SMC1A: variants seen among roughly 807,000 people sequenced by gnomAD.
SMC1A encodes the protein structural maintenance of chromosomes protein 1A.
A neutral mutation model predicts 94.5 loss-of-function variants in SMC1A; 4 were observed. The ratio of observed to expected loss-of-function variants is 0.04; its 90% CI spans 0.02 to 0.10. SMC1A has a LOEUF of 0.10. Ranked by LOEUF, SMC1A falls within the 10% of genes least tolerant of loss-of-function variation. SMC1A has a pLI of 1.00. For synonymous variants in SMC1A, 345 were observed against 347.7 expected (o/e 0.99, Z 0.09); for missense variants, 304 against 989.0 (o/e 0.31, Z 9.29).
At chrX:53,403,429 G>A (rs1359577188) in intron 15 of SMC1A, 137 bp downstream of exon 15, 1 of 542,220 alleles carries the variant, frequency 1.8e-6, no homozygotes, top group African/African-American at 2.3e-5. Flanking sequence ...CCTGATTTCT[G>A]TTCTTTAAGG....
intron 21 of SMC1A, 27 bp downstream of exon 21, chrX:53,382,479 C>T (rs782275594): frequency 1.7e-6 from 2 of 1,205,643 alleles, no homozygotes; most frequent in Non-Finnish European, 2.2e-6. Flanking sequence ...ATGGTAGCAG[C>T]TGGTTGGGTA....
chrX:53,394,105 T>C (rs1556887636), intron 19 of SMC1A, among the ~76,000 whole-genome samples: 1 of 91,077 alleles, frequency 1.1e-5, no homozygotes, highest in Admixed American at 1.4e-4. Flanking sequence ...TGAGTCGAGA[T>C]CATGCCACTG....
At position 53,413,389 on chromosome X, in the gene SMC1A, G is replaced by A. The variant is rs1171109209; in HGVS notation, c.458C>T (p.Ala153Val). The change falls in exon 4 of 25, where the codon GCT becomes GTT. Residue 153 changes from alanine to valine, a missense_variant. Physicochemically the swap from Ala to Val is moderately conservative, Grantham distance 64. Coordinates refer to ENST00000322213, the MANE Select transcript of SMC1A (RefSeq NM_006306.4). ...AGAACGACTAATCTCTTCAAATAGA[G>A]CTGTCCTCTCTTTGGGGTTCTTCAT... ...IAMKNPKERT[A>V]LFEEISRSGE... The A allele has an allele frequency of 5.8e-6, 7 of 1,209,662 alleles. No individual in the cohort carries two copies. In the Admixed American group the frequency reaches 1.5e-4, roughly 27 times the overall value.
intron 19 of SMC1A, among the ~76,000 whole-genome samples, chrX:53,392,805 T>C (rs1556887445): frequency 9.0e-6 from 1 of 111,704 alleles, no homozygotes; most frequent in Non-Finnish European, 1.9e-5. Context: ...GTTCCCAAAG[T>C]GCTGAGATTA....
chrX:53,392,876 T>C (rs2075635097), intron 19 of SMC1A, among the ~76,000 whole-genome samples: 1 of 112,269 alleles, frequency 8.9e-6, no homozygotes, highest in African/African-American at 3.2e-5. Flanking sequence ...TTGTTTCCAC[T>C]GTCTCTAATG....
rs1347852908 is a variant in SMC1A, at chrX:53,377,603, A to G, written c.*2500T>C. ...TTGATAACCACCTGTACAGTGGAGA[A>G]AGCACTTGAATGACTTGGAAGACCT... On this transcript the variant is annotated 3_prime_UTR_variant, in exon 25 of 25. Coordinates refer to ENST00000322213, the MANE Select transcript of SMC1A (RefSeq NM_006306.4). 1 of 112,202 alleles carries G rather than the reference A, an allele frequency of 8.9e-6. No homozygotes were observed. The highest frequency in any genetic ancestry group is 1.9e-5 in the Non-Finnish European group (1 of 53,286). The allele number at this position is 112,202 out of a possible 1,213,427, so 9.2% of individuals were successfully genotyped here. A position where few individuals can be genotyped will look rare whatever the true frequency, so the allele number is the denominator to read the frequency against.
At chrX:53,402,827 C>G (rs2146597253) in intron 15 of SMC1A, among the ~76,000 whole-genome samples, 1 of 83,353 alleles carries the variant, frequency 1.2e-5, no homozygotes, top group South Asian at 6.7e-4. Flanking sequence ...CGAGATCATG[C>G]CACTGCACTC....
Position 53,406,522 on chromosome X carries a change from T to A in SMC1A, c.1546-566A>T, listed in dbSNP as rs1042771595. Among the ~76,000 whole-genome samples the A allele has an allele frequency of 3.6e-5, 4 of 112,068 alleles. No individual in the cohort carries two copies. The Admixed American group carries it at 3.8e-4, about 11-fold the overall frequency. Reference sequence around the variant, plus strand: ...TCTTAGCACAATTATCCCAGATGCCTGAAAGTATGAAGCTATGTTTGCCGA... The same window carrying A: ...TCTTAGCACAATTATCCCAGATGCCAGAAAGTATGAAGCTATGTTTGCCGA... On this transcript the variant is annotated intron_variant, in intron 9 of 24. Transcript: ENST00000322213.
chrX:53,389,718 ACT>A (rs1297291869), intron 19 of SMC1A, among the ~76,000 whole-genome samples: 2 of 106,617 alleles, frequency 1.9e-5, no homozygotes, highest in Non-Finnish European at 3.9e-5. Context: ...ATAGTACGAG[ACT>A]CTGTCTCAAA....
chrX:53,396,006 T>C (rs782502453), intron 18 of SMC1A, among the ~76,000 whole-genome samples: 10 of 111,258 alleles, frequency 9.0e-5, no homozygotes, highest in Non-Finnish European at 1.3e-4. Flanking sequence ...GCAGCTTTAC[T>C]CCCAATTCAA....
intron 7 of SMC1A, among the ~76,000 whole-genome samples, chrX:53,410,168 T>C (rs1171230691): frequency 9.0e-6 from 1 of 111,306 alleles, no homozygotes; most frequent in African/African-American, 3.3e-5. Flanking sequence ...GCTTTAGAGC[T>C]ACAATGCCCA....
intron 24 of SMC1A, 119 bp from the exon 25 acceptor site, chrX:53,380,305 C>A: frequency 1.8e-6 from 1 of 542,391 alleles, no homozygotes; most frequent in South Asian, 2.6e-5. Flanking sequence ...AAAGCCCAGT[C>A]AATGGTTCTC....
Position 53,383,246 on chromosome X carries a change from T to C in SMC1A, c.2981A>G (p.Gln994Arg), listed in dbSNP as rs781817923. The change falls in exon 20 of 25, where the codon CAG (glutamine) becomes CGG (arginine). Residue 994 changes from glutamine (Q) to arginine (R), a missense_variant. This residue lies in a region of SMC1A where 17 missense variants were observed against 44.7 expected (regional missense o/e 0.38). Coordinates refer to ENST00000322213, the MANE Select transcript of SMC1A (RefSeq NM_006306.4). ...GDLCEDLKDA[Q>R]AEEEIKQEMN... ...CTCTTGCTTGATCTCTTCCTCAGCCTGGGCATCCTGTAAGCCCCAGGCCCA... is the reference window on the plus strand; with the variant it reads ...CTCTTGCTTGATCTCTTCCTCAGCCCGGGCATCCTGTAAGCCCCAGGCCCA... 8.5e-7 allele frequency: 1 copy of C among 1,171,025 alleles called. No individual in the cohort carries two copies. The highest frequency in any genetic ancestry group is 1.1e-6 in the Non-Finnish European group (1 of 874,558).
rs1049801004 is a variant in SMC1A, at chrX:53,412,339, C to T, written c.855-86G>A. On this transcript the variant is annotated intron_variant, in intron 5 of 24. Transcript: ENST00000322213. ...CTTTTCACCCAAAGGAGAGCTTGAGCCCCTGAGCCAACCTCAGGGAATTAC... is the reference window on the plus strand; with the variant it reads ...CTTTTCACCCAAAGGAGAGCTTGAGTCCCTGAGCCAACCTCAGGGAATTAC... 6.1e-6 allele frequency: 6 copies of T among 987,354 alleles called. No homozygotes were observed. In the Admixed American group the frequency reaches 9.3e-5, roughly 15 times the overall value. The allele number at this position is 987,354 out of a possible 1,213,427, so 81.4% of individuals were successfully genotyped here.
At chrX:53,384,914 C>A (rs2075598617) in intron 19 of SMC1A, among the ~76,000 whole-genome samples, 1 of 109,715 alleles carries the variant, frequency 9.1e-6, no homozygotes, top group Non-Finnish European at 1.9e-5. Flanking sequence ...CACTGCACTC[C>A]AACCTGGATG....
Position 53,414,777 on chromosome X carries a change from C to T in SMC1A, c.392G>A (p.Arg131His), listed in dbSNP as rs781903928. Residue 131 changes from arginine (R) to histidine (H), a missense_variant, in exon 3 of 25, where the codon CGT becomes CAT. Arg to His is a conservative substitution (Grantham distance 29). Coordinates refer to ENST00000322213, the MANE Select transcript of SMC1A (RefSeq NM_006306.4). ...GCCCACCTGGAAAACGAGGAAGTTA[C>T]GAGCTTTGATGAGAATGCCCAACTT... ...LEKLGILIKA[R>H]NFLVFQGAVE... is the part of the protein sequence containing the mutation. The T allele has an allele frequency of 1.7e-6, 2 of 1,202,394 alleles. No individual in the cohort carries two copies. Among genetic ancestry groups the T allele is most frequent in the South Asian group, 3.5e-5 (2 of 56,780 alleles).
Position 53,384,806 on chromosome X carries a change from G to A in SMC1A, c.2974-1553C>T, listed in dbSNP as rs192579291. Among the ~76,000 whole-genome samples the A allele has an allele frequency of 4.8e-4, 53 of 110,505 alleles. No homozygotes were observed. In the South Asian group the frequency reaches 8.7e-3, roughly 18 times the overall value. On this transcript the variant is annotated intron_variant, in intron 19 of 24. Coordinates refer to ENST00000322213, the MANE Select transcript of SMC1A (RefSeq NM_006306.4). Reference sequence around the variant, plus strand: ...ACAAAAATAAAAAAATTAGCCAGACGTGGTGGCACATGCCTGTGGTCCCAG... The same window carrying A: ...ACAAAAATAAAAAAATTAGCCAGACATGGTGGCACATGCCTGTGGTCCCAG...
At chrX:53,421,181 G>C (rs782235264) in intron 1 of SMC1A, among the ~76,000 whole-genome samples, 3 of 112,047 alleles carry the variant, frequency 2.7e-5, no homozygotes, top group Admixed American at 9.5e-5. Flanking sequence ...TAGCCCTCCA[G>C]GCCAGTGGTT....
At chrX:53,392,601 C>A (rs986406218) in intron 19 of SMC1A, among the ~76,000 whole-genome samples, 8 of 110,404 alleles carry the variant, frequency 7.2e-5, no homozygotes, top group Non-Finnish European at 1.3e-4. Context: ...GTATGCACCA[C>A]CATGCCCGGC....
Sources: allele counts gnomAD v4.1 joint callset (sites outside exome capture counted in the v4.1 genomes callset), GRCh38; gene constraint gnomAD v4.1.1; regional missense constraint gnomAD v4.1.1; transcripts MANE v1.5; gene names NCBI Gene and HGNC (gene_info 2026-07-23, HGNC 2026-07-21).